Variants in TTI1 observed in about 807,000 individuals in gnomAD.
TTI1 encodes TELO2-interacting protein 1 homolog.
Under a neutral mutation model 85.4 loss-of-function variants are expected in TTI1, and 52 were observed. The ratio of observed to expected loss-of-function variants is 0.61; its 90% CI spans 0.49 to 0.77. TTI1 has a LOEUF of 0.77. Among genes scored for constraint, TTI1 ranks in the 30% least tolerant of loss-of-function variants. The pLI, the probability that TTI1 is intolerant of heterozygous loss-of-function variation, is 0.00. For missense variants in TTI1, 1,173 were observed against 1,296.0 expected, an observed-to-expected ratio of 0.91 and a Z score of 1.46; for synonymous variants, 512 against 503.9, an observed-to-expected ratio of 1.02 and a Z score of -0.22.
At chr20:37,993,302 A>G (rs1450435724) in intron 7 of TTI1, among the ~76,000 whole-genome samples, 1 of 149,506 alleles carries the variant, frequency 6.7e-6, no homozygotes, top group East Asian at 2.0e-4. Context: ...CTCCGTTCTT[A>G]GCATTTACAA....
At chr20:37,992,952 G>T (rs985334052) in intron 7 of TTI1, among the ~76,000 whole-genome samples, 3 of 152,118 alleles carry the variant, frequency 2.0e-5, no homozygotes, top group Admixed American at 6.5e-5. Flanking sequence ...TGGGGGTGTG[G>T]CTGATCTGAC....
In TTI1 at chr20:37,983,527, G is replaced by A; in HGVS notation, c.3199C>T (p.Leu1067=). ...PPHPSLHPVQ[L]HGASGQQNPY... ...TTCTGCTGCCCGCTGGCCCCGTGCA[G>A]CTGCACAGGGTGGAGGCTGGGGTGG... is the stretch of plus-strand genomic sequence containing the variant. Residue 1067 remains leucine (L), a synonymous_variant, in exon 8 of 8, where the codon CTG becomes TTG. Coordinates refer to ENST00000373447, the MANE Select transcript of TTI1 (RefSeq NM_001303457.2). 1 of 1,611,768 alleles carries A rather than the reference G, an allele frequency of 6.2e-7. No individual in the cohort carries two copies. Among genetic ancestry groups the A allele is most frequent in the Non-Finnish European group, 8.5e-7 (1 of 1,179,554 alleles).
At chr20:38,032,843 C>T (rs114686596) in intron 1 of TTI1, among the ~76,000 whole-genome samples, 109 of 152,230 alleles carry the variant, frequency 7.2e-4, no homozygotes, top group Admixed American at 2.7e-3. Context: ...TTGCGCCAGG[C>T]CTCAAATAGT....
At chr20:38,009,457 C>T (rs1437364589) in intron 2 of TTI1, among the ~76,000 whole-genome samples, 1 of 152,144 alleles carries the variant, frequency 6.6e-6, no homozygotes, top group Admixed American at 6.5e-5. Flanking sequence ...TTCCATTCTC[C>T]AAAGACCCAT....
chr20:38,019,364 T>C (rs2073730732), intron 1 of TTI1, among the ~76,000 whole-genome samples: 1 of 152,180 alleles, frequency 6.6e-6, no homozygotes, highest in Non-Finnish European at 1.5e-5. Flanking sequence ...CTGTAGTTTG[T>C]GTATATATAA....
Position 38,011,877 on chromosome 20 carries a change from A to C in TTI1, c.1940T>G (p.Leu647Trp). Residue 647 changes from leucine to tryptophan, a missense_variant, in exon 2 of 8, where the codon TTG (leucine) becomes TGG (tryptophan). Transcript: ENST00000373447. ...TGGATAAAGGGCTGACATCAAGAGC[A>C]AACAGAAGTCTTTTCCTAGTGCATA... ...FAYALGKDFC[L>W]LLMSALYPVL... 1.2e-6 allele frequency: 2 copies of C among 1,614,252 alleles called. No homozygotes were observed. The highest frequency in any genetic ancestry group is 1.7e-6 in the Non-Finnish European group (2 of 1,180,038).
chr20:37,996,386 C>A lies in TTI1; in HGVS notation c.3075G>T (p.Glu1025Asp). 6.2e-7 allele frequency: 1 copy of A among 1,614,092 alleles called. No homozygotes were observed. Among genetic ancestry groups the A allele is most frequent in the South Asian group, 1.1e-5 (1 of 91,084 alleles). Reference sequence around the variant, plus strand: ...TCAGGCAGACGTACCTCCTGGCAGCCTCTTGTAATTTCACGGGCTGTTTGA... The same window carrying A: ...TCAGGCAGACGTACCTCCTGGCAGCATCTTGTAATTTCACGGGCTGTTTGA... ...LSVKQPVKLQEAARSVFLHLM... is the reference protein window; with the variant it reads ...LSVKQPVKLQDAARSVFLHLM... The change falls in exon 7 of 8, where the codon GAG becomes GAT. Residue 1025 changes from glutamate to aspartate, a missense_variant. Coordinates refer to ENST00000373447, the MANE Select transcript of TTI1 (RefSeq NM_001303457.2).
chr20:38,023,056 A>G (rs2073790545), intron 1 of TTI1, among the ~76,000 whole-genome samples: 1 of 152,254 alleles, frequency 6.6e-6, no homozygotes, highest in Non-Finnish European at 1.5e-5. Flanking sequence ...AGAATCGCCA[A>G]TACAAGTTCT....
chr20:38,006,334 C>T lies in TTI1; in HGVS notation c.2366G>A (p.Gly789Glu), dbSNP rs1432551516. The T allele has an allele frequency of 1.2e-6, 2 of 1,614,184 alleles. No homozygotes were observed. Among genetic ancestry groups the T allele is most frequent in the Non-Finnish European group, 1.7e-6 (2 of 1,180,044 alleles). ...TGCTGGTCTTTGGTTCAAATGACTT[C>T]CCTCTTCTCCTAAACTTTGCTCTTG... ...HLQEQSLGEEGSHLNQRPAAL... is the reference protein window; with the variant it reads ...HLQEQSLGEEESHLNQRPAAL... The change falls in exon 3 of 8, where the codon GGA becomes GAA. Residue 789 changes from glycine to glutamate, a missense_variant. Physicochemically the swap from Gly to Glu is moderately conservative, Grantham distance 98 (BLOSUM62 -2). Coordinates refer to ENST00000373447, the MANE Select transcript of TTI1 (RefSeq NM_001303457.2).
At position 38,013,043 on chromosome 20, in the gene TTI1, G is replaced by T. The variant is rs777285283; in HGVS notation, c.774C>A (p.Val258=). The T allele has an allele frequency of 1.2e-5, 20 of 1,613,966 alleles. No individual in the cohort carries two copies. In the East Asian group the frequency reaches 4.5e-4, roughly 36 times the overall value. ...ADEQLKRISK[V]QAKPAVEHRV... ...TGTGCTCAACTGCAGGTTTTGCTTG[G>T]ACCTTTGAGATTCTTTTGAGCTGTT... The change falls in exon 2 of 8, where the codon GTC becomes GTA. Residue 258 remains valine (V), a synonymous_variant. Transcript: ENST00000373447.
At chr20:38,002,907 C>T in intron 3 of TTI1, 131 bp from the exon 4 acceptor site, 6 of 1,229,448 alleles carry the variant, frequency 4.9e-6, no homozygotes, top group Non-Finnish European at 6.8e-6. Context: ...GAGACACCTC[C>T]ACTCAAGGGG....
At chr20:38,015,269 G>A (rs2073666127) in intron 1 of TTI1, among the ~76,000 whole-genome samples, 1 of 152,316 alleles carries the variant, frequency 6.6e-6, no homozygotes, top group East Asian at 1.9e-4. Flanking sequence ...GGAACCCTAT[G>A]AGGAAGGGCA....
intron 6 of TTI1, 24 bp downstream of exon 6, chr20:37,996,725 C>T: frequency 6.3e-7 from 1 of 1,585,582 alleles, no homozygotes. Context: ...TGTGTGTGTT[C>T]AGGTGGAACT....
At chr20:37,992,462 A>T (rs2073278486) in intron 7 of TTI1, among the ~76,000 whole-genome samples, 1 of 152,090 alleles carries the variant, frequency 6.6e-6, no homozygotes, top group Admixed American at 6.5e-5. Context: ...TGTTCAGTAG[A>T]GACAGGGTTT....
intron 7 of TTI1, chr20:37,987,045 G>A (rs2073199413): frequency 2.5e-6 from 1 of 405,594 alleles, no homozygotes; most frequent in Non-Finnish European, 5.0e-6. Context: ...GGCAAGTGTA[G>A]CTGTGCTCTC....
chr20:38,008,057 T>C (rs2073528070), intron 2 of TTI1, among the ~76,000 whole-genome samples: 1 of 152,230 alleles, frequency 6.6e-6, no homozygotes, highest in South Asian at 2.1e-4. Context: ...ATCTCACGTT[T>C]AATGCAAATT....
chr20:38,011,629 G>A lies in TTI1; in HGVS notation c.2188C>T (p.Leu730=). The part of the protein sequence containing the change: ...EVMLRNSDAN[L]LPLVADVVQD... ...ACCACATCTGCCACCAAAGGAAGCA[G>A]GTTAGCATCTGAGTTCCGCAGCATG... Residue 730 remains leucine (L), a synonymous_variant, in exon 2 of 8, where the codon CTG becomes TTG. Coordinates refer to ENST00000373447, the MANE Select transcript of TTI1 (RefSeq NM_001303457.2). 1 of 1,614,258 alleles carries A rather than the reference G, an allele frequency of 6.2e-7. No individual in the cohort carries two copies.
Position 37,996,610 on chromosome 20 carries a change from T to C in TTI1, c.2998+139A>G, listed in dbSNP as rs893962314. The stretch of plus-strand genomic sequence containing the variant: ...CCGCCAAAGAACACATCAAGATAAA[T>C]GGACAAATGAGGCCAAAATAAGACG... On this transcript the variant is annotated intron_variant, in intron 6 of 7. Transcript: ENST00000373447. The C allele has an allele frequency of 2.9e-6, 4 of 1,394,342 alleles. No individual in the cohort carries two copies. In the African/African-American group the frequency reaches 4.3e-5, roughly 15 times the overall value. The allele number at this position is 1,394,342 out of a possible 1,614,324, so 86.4% of individuals were successfully genotyped here. A position where few individuals can be genotyped will look rare whatever the true frequency, so the allele number is the denominator to read the frequency against.
At chr20:38,001,639 A>G (rs2073426758) in intron 4 of TTI1, among the ~76,000 whole-genome samples, 1 of 152,180 alleles carries the variant, frequency 6.6e-6, no homozygotes, top group South Asian at 2.1e-4. Context: ...TCTGTGGATC[A>G]GGGTTTCCTA....
Sources: gnomAD v4.1 joint callset for allele counts (sites outside exome capture counted in the v4.1 genomes callset) on GRCh38, gnomAD v4.1.1 for gene constraint, MANE v1.5 for transcripts, NCBI Gene and HGNC (gene_info 2026-07-23, HGNC 2026-07-21) for gene names.